PTP4A1: variants seen among roughly 807,000 people sequenced by gnomAD.
PTP4A1 encodes protein tyrosine phosphatase 4A1.
In PTP4A1, 9 loss-of-function variants were observed where a neutral mutation model predicts 20.5. That is an observed-to-expected ratio of 0.44 (90% CI 0.26 to 0.77). The LOEUF is 0.77. PTP4A1 is among the 30% of genes least tolerant of loss of function. PTP4A1 has a pLI of 0.19. For missense variants in PTP4A1, 137 were observed against 218.8 expected (o/e 0.63, Z 2.36); for synonymous variants, 78 against 67.4 (o/e 1.16, Z -0.77).
intron 2 of PTP4A1, among the ~76,000 whole-genome samples, chr6:63,529,207 A>G (rs1775343127): frequency 6.7e-6 from 1 of 148,850 alleles, no homozygotes; most frequent in Non-Finnish European, 1.5e-5. Flanking sequence ...ATATATATGT[A>G]TATATATTTG....
chr6:63,576,888 G>A lies in PTP4A1; in HGVS notation c.8G>A (p.Arg3Gln). ...TTTTTTAACTAAATTAACATGGCTC[G>A]AATGAACCGCCCAGCTCCTGTGGAA... MARMNRPAPVEVT... is the reference protein window; with the variant it reads MAQMNRPAPVEVT... Residue 3 changes from arginine (R) to glutamine (Q), a missense_variant, in exon 2 of 6, where the codon CGA becomes CAA. Coordinates refer to ENST00000626021, the MANE Select transcript of PTP4A1 (RefSeq NM_003463.5). 5.0e-6 allele frequency: 8 copies of A among 1,611,922 alleles called. No individual in the cohort carries two copies. Among genetic ancestry groups the A allele is most frequent in the Non-Finnish European group, 5.9e-6 (7 of 1,179,574 alleles).
intron 3 of PTP4A1, 75 bp from the exon 4 acceptor site, chr6:63,578,823 A>G (rs1778036788): frequency 3.0e-6 from 4 of 1,329,744 alleles, no homozygotes; most frequent in African/African-American, 1.5e-5. Flanking sequence ...AAACATTTCC[A>G]TGTTAGAAAT....
chr6:63,532,681 A>G (rs1314055846), intron 2 of PTP4A1, among the ~76,000 whole-genome samples: 6 of 152,212 alleles, frequency 3.9e-5, no homozygotes, highest in Non-Finnish European at 8.8e-5. Flanking sequence ...GAAGTTGGAG[A>G]GTGAAACAAA....
upstream of PTP4A1, among the ~76,000 whole-genome samples, chr6:63,568,658 T>TA (rs112045436): frequency 7.6e-3 from 1,105 of 144,538 alleles, 7 homozygotes; most frequent in Non-Finnish European, 0.013. Flanking sequence ...ATCATTTTGT[T>TA]AAAAAAAAAA....
At chr6:63,549,582 A>C in intron 2 of PTP4A1, 1 of 602,104 alleles carries the variant, frequency 1.7e-6, no homozygotes, top group Non-Finnish European at 2.9e-6. Context: ...TTTTTTAAAG[A>C]AAACCTTTAT....
chr6:63,543,810 C>T (rs960052415), intron 2 of PTP4A1, among the ~76,000 whole-genome samples: 1 of 152,214 alleles, frequency 6.6e-6, no homozygotes, highest in Non-Finnish European at 1.5e-5. Flanking sequence ...CAACTTTCTA[C>T]CCAGCTCACA....
At chr6:63,568,158 C>T (rs1777270552), upstream of PTP4A1, among the ~76,000 whole-genome samples, 1 of 152,198 alleles carries the variant, frequency 6.6e-6, no homozygotes, top group Admixed American at 6.5e-5. Flanking sequence ...TTTTAACTTC[C>T]TTCAAGAGCT....
intron 1 of PTP4A1, among the ~76,000 whole-genome samples, chr6:63,524,594 T>C (rs1465834421): frequency 6.6e-6 from 1 of 152,190 alleles, no homozygotes; most frequent in Admixed American, 6.5e-5. Context: ...TTTTTAAAAA[T>C]GTAAAAATAA....
upstream of PTP4A1, among the ~76,000 whole-genome samples, chr6:63,520,866 C>T (rs532639322): frequency 2.6e-5 from 4 of 152,084 alleles, no homozygotes; most frequent in Middle Eastern, 3.4e-3. Flanking sequence ...ACTACATGAA[C>T]AATCAGTTTA....
At chr6:63,572,979 C>A (rs751134692) in intron 1 of PTP4A1, among the ~76,000 whole-genome samples, 205 of 152,234 alleles carry the variant, frequency 1.3e-3, no homozygotes, top group Non-Finnish European at 1.9e-3. Context: ...GAGTCCCTCC[C>A]GAGCCCGGAG....
intron 3 of PTP4A1, among the ~76,000 whole-genome samples, chr6:63,552,963 A>C (rs1243622886): frequency 6.6e-6 from 1 of 152,066 alleles, no homozygotes; most frequent in Non-Finnish European, 1.5e-5. Context: ...TATTTTTAAC[A>C]TTGTTTTATG....
At chr6:63,524,612 C>G (rs1177777184) in intron 1 of PTP4A1, among the ~76,000 whole-genome samples, 3 of 151,836 alleles carry the variant, frequency 2.0e-5, no homozygotes, top group Non-Finnish European at 4.4e-5. Context: ...TAAAATTATC[C>G]AAACAGAAGC....
rs1385612163 is a variant in PTP4A1, at chr6:63,542,059, GTGTA to G, written c.-639-8239_-639-8236del. Among the ~76,000 whole-genome samples, 1,029 of 143,898 alleles carry G rather than the reference GTGTA, an allele frequency of 7.2e-3. 12 individuals carry two copies. Among genetic ancestry groups the G allele is most frequent in the African/African-American group, 0.025 (969 of 38,664 alleles). The allele number at this position is 143,898 out of a possible 152,430, so 94.4% of individuals were successfully genotyped here. A position where few individuals can be genotyped will look rare whatever the true frequency, so the allele number is the denominator to read the frequency against. On this transcript the variant is annotated intron_variant, in intron 2 of 3. Transcript: ENST00000639568. The stretch of plus-strand genomic sequence containing the variant: ...TGTGTGTGTGTGTGTGTGTGTGTGT[GTGTA>G]TACATACACAATGGAATACTACTCA...
chr6:63,564,049 C>T (rs911025243), intron 3 of PTP4A1, among the ~76,000 whole-genome samples: 1 of 152,000 alleles, frequency 6.6e-6, no homozygotes, highest in Non-Finnish European at 1.5e-5. Context: ...CCAAGGCAGG[C>T]GGATCATTTG....
chr6:63,580,429 T>G lies in PTP4A1; in HGVS notation c.*255T>G. On this transcript the variant is annotated 3_prime_UTR_variant, in exon 6 of 6. Coordinates refer to ENST00000626021, the MANE Select transcript of PTP4A1 (RefSeq NM_003463.5). ...GCTTGTCATTTGTATCAATTGACCT[T>G]TCCCCAAATCATGCAGTATTGAGTT... 1 of 395,382 alleles carries G rather than the reference T, an allele frequency of 2.5e-6. No homozygotes were observed. The highest frequency in any genetic ancestry group is 4.7e-6 in the Non-Finnish European group (1 of 214,484). 24.5% of individuals were successfully genotyped at this position (395,382 alleles called of 1,614,324 possible).
At chr6:63,531,625 G>T (rs1307372711) in intron 2 of PTP4A1, among the ~76,000 whole-genome samples, 2 of 150,908 alleles carry the variant, frequency 1.3e-5, no homozygotes, top group African/African-American at 4.9e-5. Flanking sequence ...GAGTAGCTGG[G>T]ACTATAGGCA....
intron 1 of PTP4A1, among the ~76,000 whole-genome samples, chr6:63,524,945 A>G (rs1361283510): frequency 6.6e-6 from 1 of 152,212 alleles, no homozygotes; most frequent in African/African-American, 2.4e-5. Context: ...TTTATGAAAA[A>G]ACTTAAGAAA....
chr6:63,555,677 C>T (rs1252485748), intron 3 of PTP4A1, among the ~76,000 whole-genome samples: 2 of 151,160 alleles, frequency 1.3e-5, no homozygotes, highest in African/African-American at 4.9e-5. Context: ...ATGCAATTCA[C>T]TTCTCAATTA....
chr6:63,554,940 A>G (rs60506677), intron 3 of PTP4A1, among the ~76,000 whole-genome samples: 6,009 of 152,284 alleles, frequency 0.039, 411 homozygotes, highest in African/African-American at 0.14. Flanking sequence ...AGAATCATAC[A>G]AAGAGACAAT....
Sources: gnomAD v4.1 joint callset for allele counts (sites outside exome capture counted in the v4.1 genomes callset) on GRCh38, gnomAD v4.1.1 for gene constraint, MANE v1.5 for transcripts, NCBI Gene and HGNC (gene_info 2026-07-23, HGNC 2026-07-21) for gene names.